The following COX7B2 variants were observed in gnomAD, a reference collection of about 807,000 sequenced individuals.
COX7B2 encodes cytochrome c oxidase subunit 7B2, also known as cytochrome c oxidase subunit 7B2, mitochondrial.
For missense variants in COX7B2, 109 were observed against 95.9 expected, an observed-to-expected ratio of 1.14 and a Z score of -0.57; for synonymous variants, 37 against 32.1, an observed-to-expected ratio of 1.15 and a Z score of -0.51.
intron 2 of COX7B2, among the ~76,000 whole-genome samples, chr4:46,763,358 G>A (rs1358824340): frequency 6.6e-6 from 1 of 150,508 alleles, no homozygotes; most frequent in African/African-American, 2.4e-5. Flanking sequence ...GTGTATGTGT[G>A]TTCTTTATGT....
At chr4:46,760,180 C>T (rs985673160) in intron 2 of COX7B2, among the ~76,000 whole-genome samples, 2 of 151,984 alleles carry the variant, frequency 1.3e-5, no homozygotes, top group Non-Finnish European at 2.9e-5. Context: ...CTAGAAATAC[C>T]CTTTGACCCA....
intron 2 of COX7B2, among the ~76,000 whole-genome samples, chr4:46,789,286 A>G (rs964443682): frequency 1.3e-5 from 2 of 152,182 alleles, no homozygotes; most frequent in Admixed American, 6.5e-5. Flanking sequence ...CAAGTATAGG[A>G]AAGTTCAAAA....
At position 46,785,047 on chromosome 4, in the gene COX7B2, A is replaced by C. The variant is rs182534691; in HGVS notation, c.-49-49806T>G. 1.2e-3 allele frequency among the ~76,000 whole-genome samples: 187 copies of C among 152,370 alleles called. 1 individual carries two copies. Among genetic ancestry groups the C allele is most frequent in the African/African-American group, 4.3e-3 (177 of 41,590 alleles). On this transcript the variant is annotated intron_variant, in intron 2 of 2. Transcript: ENST00000355591. ...TACAAAGAAAATATATAAAGATATG[A>C]AAACAAATTTTTAGAATCTATTTCA...
Position 46,738,225 on chromosome 4 carries a change from G to A in COX7B2, c.-49-2984C>T, listed in dbSNP as rs563701259. Among the ~76,000 whole-genome samples, 21 of 152,148 alleles carry A rather than the reference G, an allele frequency of 1.4e-4. No homozygotes were observed. In the South Asian group the frequency reaches 4.1e-3, roughly 30 times the overall value. On this transcript the variant is annotated intron_variant, in intron 2 of 2. Coordinates refer to ENST00000355591, the MANE Select transcript of COX7B2 (RefSeq NM_130902.3). ...CATGCTTGCTGCTTTATGACAAATT[G>A]ATTTCATTTTTCTTATACTCATGAT...
intron 1 of COX7B2, among the ~76,000 whole-genome samples, chr4:46,863,209 A>G (rs1717440340): frequency 6.6e-6 from 1 of 152,172 alleles, no homozygotes; most frequent in African/African-American, 2.4e-5. Flanking sequence ...GGAGGGAGAA[A>G]TGTAAATAAA....
At chr4:46,831,124 G>A (rs976201142) in intron 2 of COX7B2, among the ~76,000 whole-genome samples, 14 of 152,148 alleles carry the variant, frequency 9.2e-5, no homozygotes, top group Non-Finnish European at 8.8e-5. Context: ...GGTGGGCCCC[G>A]CATTGGGAGT....
chr4:46,802,479 A>C (rs73141206), intron 2 of COX7B2, among the ~76,000 whole-genome samples: 435 of 152,300 alleles, frequency 2.9e-3, no homozygotes, highest in African/African-American at 9.8e-3. Flanking sequence ...TATGTTGATC[A>C]TAGAGAATTT....
chr4:46,867,470 C>T (rs899038259), intron 1 of COX7B2, among the ~76,000 whole-genome samples: 1 of 152,188 alleles, frequency 6.6e-6, no homozygotes. Context: ...ACCAGCATCA[C>T]GACAGTTTAC....
rs771248119 is a variant in COX7B2 at position 46,734,942 on chromosome 4, G to A, written c.*5C>T. 22 of 1,613,872 alleles carry A rather than the reference G, an allele frequency of 1.4e-5. No individual in the cohort carries two copies. Among genetic ancestry groups the A allele is most frequent in the African/African-American group, 1.3e-5 (1 of 74,906 alleles). ...ACAATTCTGTCATTACAGCAACTGT[G>A]ATGGTTACTGATGTTTCCACTCTTT... On this transcript the variant is annotated 3_prime_UTR_variant, in exon 3 of 3. Transcript: ENST00000355591.
intron 2 of COX7B2, among the ~76,000 whole-genome samples, chr4:46,834,813 C>T (rs1173131497): frequency 6.6e-6 from 1 of 151,578 alleles, no homozygotes; most frequent in Non-Finnish European, 1.5e-5. Context: ...AACAGAAAGA[C>T]AAAAACAAAA....
intron 2 of COX7B2, among the ~76,000 whole-genome samples, chr4:46,803,535 CCTTT>C (rs1255296847): frequency 6.6e-6 from 1 of 151,966 alleles, no homozygotes; most frequent in Non-Finnish European, 1.5e-5. Flanking sequence ...AGGTAATGTT[CCTTT>C]AAGAGTCTCA....
chr4:46,771,258 T>C (rs1222820471), intron 2 of COX7B2, among the ~76,000 whole-genome samples: 2 of 152,100 alleles, frequency 1.3e-5, no homozygotes, highest in Non-Finnish European at 2.9e-5. Context: ...AAAACTATAA[T>C]GAGACATTAC....
intron 1 of COX7B2, among the ~76,000 whole-genome samples, chr4:46,894,287 C>A (rs1236758813): frequency 6.6e-6 from 1 of 152,052 alleles, no homozygotes; most frequent in East Asian, 1.9e-4. Flanking sequence ...CTACAGTAAT[C>A]AAAACAGCAT....
intron 2 of COX7B2, among the ~76,000 whole-genome samples, chr4:46,752,848 G>A (rs556076762): frequency 1.2e-4 from 18 of 152,134 alleles, no homozygotes; most frequent in South Asian, 1.0e-3. Flanking sequence ...TTTTTGCATC[G>A]ATGTTCATCA....
intron 2 of COX7B2, among the ~76,000 whole-genome samples, chr4:46,739,482 A>G (rs565020613): frequency 6.6e-6 from 1 of 152,184 alleles, no homozygotes; most frequent in Non-Finnish European, 1.5e-5. Context: ...CATCAGCACA[A>G]TGTCTACTCT....
chr4:46,849,139 T>TAC (rs371831728), intron 1 of COX7B2, among the ~76,000 whole-genome samples: 10 of 151,888 alleles, frequency 6.6e-5, no homozygotes, highest in Non-Finnish European at 1.3e-4. Context: ...GGGCTAACTA[T>TAC]ACACACACAG....
intron 1 of COX7B2, among the ~76,000 whole-genome samples, chr4:46,851,646 G>A (rs1003618400): frequency 1.3e-5 from 2 of 151,964 alleles, no homozygotes; most frequent in Non-Finnish European, 2.9e-5. Context: ...CATTTAGCTG[G>A]TTTTTCTACT....
chr4:46,786,025 T>C (rs1341539196), intron 2 of COX7B2, among the ~76,000 whole-genome samples: 2 of 152,214 alleles, frequency 1.3e-5, no homozygotes, highest in Non-Finnish European at 2.9e-5. Flanking sequence ...AGTTCTTTTT[T>C]TGAAATTCAA....
intron 1 of COX7B2, among the ~76,000 whole-genome samples, chr4:46,882,418 T>G (rs1163422311): frequency 6.6e-6 from 1 of 152,190 alleles, no homozygotes; most frequent in African/African-American, 2.4e-5. Context: ...TATTATTGTG[T>G]GGGAATCTAC....
Sources: allele counts gnomAD v4.1 joint callset (sites outside exome capture counted in the v4.1 genomes callset), GRCh38; gene constraint gnomAD v4.1.1; transcripts MANE v1.5; gene names NCBI Gene and HGNC (gene_info 2026-07-23, HGNC 2026-07-21).